The following KANSL3 variants were observed in gnomAD, a reference collection of about 807,000 sequenced individuals.
KANSL3 encodes the protein NSL complex protein NSL3.
A neutral mutation model predicts 89.2 loss-of-function variants in KANSL3; 16 were observed. That is an observed-to-expected ratio of 0.18 (90% CI 0.12 to 0.27). KANSL3 has a LOEUF of 0.27. KANSL3 is among the 10% of genes least tolerant of loss of function. The pLI, the probability that KANSL3 is intolerant of heterozygous loss-of-function variation, is 1.00. For missense variants in KANSL3, 879 were observed against 1,110.6 expected (o/e 0.79, Z 2.96); for synonymous variants, 385 against 419.7 (o/e 0.92, Z 1.01).
intron 20 of KANSL3, chr2:96,600,337 AAATT>A: frequency 1.4e-6 from 1 of 702,740 alleles, no homozygotes; most frequent in Non-Finnish European, 1.7e-6. Context: ...TTCCCTTTCT[AAATT>A]AATTATTTCT....
At chr2:96,621,845 G>T (rs561711836) in intron 3 of KANSL3, among the ~76,000 whole-genome samples, 1 of 152,294 alleles carries the variant, frequency 6.6e-6, no homozygotes, top group Admixed American at 6.5e-5. Context: ...GCTGGGCGTG[G>T]TGGCTCACGC....
In KANSL3 at chr2:96,595,625, G is replaced by A. The variant is rs2066458831; in HGVS notation, c.2623C>T (p.Pro875Ser). 6.2e-7 allele frequency: 1 copy of A among 1,613,724 alleles called. No homozygotes were observed. The highest frequency in any genetic ancestry group is 1.3e-5 in the African/African-American group (1 of 74,936). ...QVLPSSSQRL[P>S]PAP ...ACACAGCATCTTCAGGGTGCTGGAG[G>A]CAGGCGCTGTGGCAGGAGAGGTAGT... is the stretch of plus-strand genomic sequence containing the variant. Residue 875 changes from proline to serine, a missense_variant, in exon 21 of 21, where the codon CCT becomes TCT. Coordinates refer to ENST00000431828, the MANE Select transcript of KANSL3 (RefSeq NM_001115016.3).
At chr2:96,637,988 A>T (rs2074491110) in intron 1 of KANSL3, 1 of 152,244 alleles carries the variant, frequency 6.6e-6, no homozygotes, top group South Asian at 2.1e-4. Flanking sequence ...AACTGAAGCG[A>T]TTTGGCCAAG....
chr2:96,604,370 A>C lies in KANSL3; in HGVS notation c.2029T>G (p.Ser677Ala), dbSNP rs773829753. 14 of 1,611,680 alleles carry C rather than the reference A, an allele frequency of 8.7e-6. 1 individual carries two copies. The highest frequency in any genetic ancestry group is 1.2e-5 in the Non-Finnish European group (14 of 1,179,822). The part of the protein sequence containing the change: ...GLLTTAKSSS[S>A]EGGVSASPVP... ...GGGCTGGCTGAGACTCCACCTTCAG[A>C]AGAACTGGACCTGGAGACAAAGGAA... The change falls in exon 17 of 21, where the codon TCT (serine) becomes GCT (alanine). Residue 677 changes from serine (S) to alanine (A), a missense_variant. Ser to Ala is a moderately conservative substitution (Grantham distance 99). Around this residue, in one of 6 missense-constraint regions of KANSL3, gnomAD observed 317 missense variants for 311.2 expected, o/e 1.02. Coordinates refer to ENST00000431828, the MANE Select transcript of KANSL3 (RefSeq NM_001115016.3).
Position 96,631,418 on chromosome 2 carries a change from G to C in KANSL3, c.280C>G (p.Gln94Glu). 2 of 1,601,320 alleles carry C rather than the reference G, an allele frequency of 1.2e-6. No homozygotes were observed. The highest frequency in any genetic ancestry group is 2.3e-5 in the South Asian group (2 of 88,730). ...TSTPMPLYDNQKARSVMNECE... is the reference protein window; with the variant it reads ...TSTPMPLYDNEKARSVMNECE... ...TCATTCATCACGCTGCGTGCCTTCT[G>C]ATTGTCATAGAGTGGCATAGGCGTT... is the stretch of plus-strand genomic sequence containing the variant. The change falls in exon 3 of 21, where the codon CAG becomes GAG. Residue 94 changes from glutamine (Q) to glutamate (E), a missense_variant. Around this residue, in one of 6 missense-constraint regions of KANSL3, gnomAD observed 210 missense variants for 311.9 expected, o/e 0.67. Transcript: ENST00000431828.
intron 20 of KANSL3, chr2:96,600,302 T>C (rs904724107): frequency 4.7e-6 from 2 of 426,808 alleles, no homozygotes; most frequent in South Asian, 2.0e-4. Context: ...GAACATCATC[T>C]CTAGGAGTAG....
the KANSL3 span, among the ~76,000 whole-genome samples, chr2:96,581,082 G>A: frequency 6.6e-6 from 1 of 152,240 alleles, no homozygotes; most frequent in Non-Finnish European, 1.5e-5. Flanking sequence ...TGAGGAGGAT[G>A]CCTGAGAAGA....
At position 96,608,496 on chromosome 2, in the gene KANSL3, A is replaced by C. The variant is rs775407968; in HGVS notation, c.1741+12T>G. ...ACAGACCCAAGAGGAGCCACTGGCC[A>C]AGTGCCTATACCTTGAGCTTGTTTG... On this transcript the variant is annotated intron_variant, in intron 14 of 20. Transcript: ENST00000431828. The C allele has an allele frequency of 6.2e-7, 1 of 1,613,828 alleles. No individual in the cohort carries two copies. Among genetic ancestry groups the C allele is most frequent in the Non-Finnish European group, 8.5e-7 (1 of 1,179,734 alleles).
chr2:96,600,443 C>CA (rs2067017294), intron 20 of KANSL3: 1 of 984,672 alleles, frequency 1.0e-6, no homozygotes, highest in Non-Finnish European at 1.2e-6. Flanking sequence ...CATCCCTCTG[C>CA]AAAAAAAGGT....
chr2:96,606,016 G>A (rs1266007874), intron 14 of KANSL3: 1 of 152,680 alleles, frequency 6.5e-6, no homozygotes, highest in Non-Finnish European at 1.5e-5. Flanking sequence ...CTAAAAAGTA[G>A]AGTTTTCCAA....
intron 5 of KANSL3, chr2:96,615,492 A>G: frequency 7.8e-7 from 1 of 1,284,452 alleles, no homozygotes; most frequent in Non-Finnish European, 1.0e-6. Context: ...TGATGCTTAC[A>G]CTGAGAAGAA....
Position 96,610,570 on chromosome 2 carries a change from C to T in KANSL3, c.1319+156G>A, listed in dbSNP as rs568718722. 14 of 674,622 alleles carry T rather than the reference C, an allele frequency of 2.1e-5. No homozygotes were observed. The East Asian group carries it at 3.5e-4, about 17-fold the overall frequency. 41.8% of individuals were successfully genotyped at this position (674,622 alleles called of 1,614,324 possible). A position where few individuals can be genotyped will look rare whatever the true frequency, so the allele number is the denominator to read the frequency against. On this transcript the variant is annotated intron_variant, in intron 11 of 20. Coordinates refer to ENST00000431828, the MANE Select transcript of KANSL3 (RefSeq NM_001115016.3). ...GACCTCGTGATCCGCCTGCCTCAGC[C>T]TCCCAAAGTCCTGGGATTACAGGCG...
chr2:96,637,293 A>G, intron 1 of KANSL3, 108 bp from the exon 2 acceptor site: 1 of 571,150 alleles, frequency 1.8e-6, no homozygotes, highest in Non-Finnish European at 3.1e-6. Flanking sequence ...CCTATTGAGT[A>G]TCCATTTCAC....
At position 96,602,344 on chromosome 2, in the gene KANSL3, G is replaced by A; in HGVS notation, c.2260-6C>T. On this transcript the variant is annotated splice_polypyrimidine_tract_variant and splice_region_variant and intron_variant, in intron 18 of 20. Transcript: ENST00000431828. ...GGCAACTTCACACTGGTGGCCTGTG[G>A]GACACACAAGCCCAGGTGATCAGAA... 3 of 1,599,154 alleles carry A rather than the reference G, an allele frequency of 1.9e-6. No homozygotes were observed. The highest frequency in any genetic ancestry group is 2.6e-6 in the Non-Finnish European group (3 of 1,172,314).
At chr2:96,593,049 T>TTGGTGAGG, downstream of KANSL3, 1 of 287,830 alleles carries the variant, frequency 3.5e-6, no homozygotes, top group South Asian at 3.3e-5. Flanking sequence ...CCACCTGGCA[T>TTGGTGAGG]TGGTGAGGTG....
chr2:96,591,282 C>T (rs953133761), downstream of KANSL3, among the ~76,000 whole-genome samples: 1 of 152,094 alleles, frequency 6.6e-6, no homozygotes, highest in Non-Finnish European at 1.5e-5. Context: ...TATACATCAA[C>T]CTATTTAGGA....
At chr2:96,603,221 A>C (rs1177750660) in intron 17 of KANSL3, 2 of 184,958 alleles carry the variant, frequency 1.1e-5, no homozygotes, top group Non-Finnish European at 2.3e-5. Context: ...CACACAATCA[A>C]AGCAGTAAGG....
rs535601735 is a variant in KANSL3, at chr2:96,597,754, C to T, written c.2617-2123G>A. On this transcript the variant is annotated intron_variant, in intron 20 of 20. Transcript: ENST00000431828. Reference sequence around the variant, plus strand: ...AGTAGCTGGGATTACAGGTGCACGCCACCACATCCAGCTAATTTTTGTATT... The same window carrying T: ...AGTAGCTGGGATTACAGGTGCACGCTACCACATCCAGCTAATTTTTGTATT... Among the ~76,000 whole-genome samples the T allele has an allele frequency of 9.2e-5, 14 of 152,212 alleles. No homozygotes were observed. In the East Asian group the frequency reaches 2.7e-3, roughly 29 times the overall value.
the KANSL3 span, among the ~76,000 whole-genome samples, chr2:96,582,555 C>T: frequency 6.6e-6 from 1 of 152,156 alleles, no homozygotes; most frequent in Admixed American, 6.5e-5. Context: ...CTTCTTACCA[C>T]TTTCTTCATT....
Sources: allele counts gnomAD v4.1 joint callset (sites outside exome capture counted in the v4.1 genomes callset), GRCh38; gene constraint gnomAD v4.1.1; regional missense constraint gnomAD v4.1.1; transcripts MANE v1.5; gene names NCBI Gene and HGNC (gene_info 2026-07-23, HGNC 2026-07-21).